The following KIAA0513 variants were observed in gnomAD, a reference collection of about 807,000 sequenced individuals.
KIAA0513 encodes KIAA0513.
A neutral mutation model predicts 56.5 loss-of-function variants in KIAA0513; 39 were observed. The observed-to-expected ratio is 0.69, with a 90% CI of 0.53 to 0.90. The LOEUF (loss-of-function observed/expected upper bound fraction) is 0.90, where lower values mean the gene tolerates loss of function less well. Ranked by LOEUF, KIAA0513 falls within the 40% of genes least tolerant of loss-of-function variation. KIAA0513 has a pLI of 0.00. For synonymous variants in KIAA0513, 268 were observed against 215.6 expected (o/e 1.24, Z -2.13); for missense variants, 591 against 535.2 (o/e 1.10, Z -1.03).
At chr16:85,052,226 A>G (rs1159347501) in intron 1 of KIAA0513, among the ~76,000 whole-genome samples, 1 of 152,116 alleles carries the variant, frequency 6.6e-6, no homozygotes, top group African/African-American at 2.4e-5. Flanking sequence ...AGGCTGAGGA[A>G]GGAGAATCGC....
At chr16:85,083,736 A>T (rs2073775386) in intron 10 of KIAA0513, among the ~76,000 whole-genome samples, 1 of 152,162 alleles carries the variant, frequency 6.6e-6, no homozygotes, top group Admixed American at 6.5e-5. Flanking sequence ...CTCATCTCTG[A>T]CCGGCCCCTG....
chr16:85,087,011 A>G, intron 11 of KIAA0513, 61 bp from the exon 12 acceptor site: 2 of 1,504,570 alleles, frequency 1.3e-6, no homozygotes, highest in South Asian at 2.3e-5. Context: ...ACAAGGGCCC[A>G]GCTCCCCGGC....
At chr16:85,050,071 G>A (rs915723463) in intron 1 of KIAA0513, among the ~76,000 whole-genome samples, 2 of 151,988 alleles carry the variant, frequency 1.3e-5, no homozygotes, top group South Asian at 2.1e-4. Context: ...GTTCTAACAC[G>A]CAGTTGCAAT....
chr16:85,039,302 T>G (rs1169593944), intron 1 of KIAA0513, among the ~76,000 whole-genome samples: 1 of 152,206 alleles, frequency 6.6e-6, no homozygotes, highest in Non-Finnish European at 1.5e-5. Flanking sequence ...TCTGTATGAT[T>G]ACTCTTTTTA....
intron 1 of KIAA0513, among the ~76,000 whole-genome samples, chr16:85,059,468 C>G (rs972653554): frequency 5.3e-5 from 8 of 152,174 alleles, no homozygotes; most frequent in African/African-American, 1.9e-4. Flanking sequence ...GAGGCAGTAT[C>G]CAGCTAAGGT....
At chr16:85,028,731 C>T (rs999742112) in intron 1 of KIAA0513, among the ~76,000 whole-genome samples, 6 of 151,820 alleles carry the variant, frequency 4.0e-5, no homozygotes, top group African/African-American at 1.5e-4. Context: ...CTAGCCAGGT[C>T]CTATTCCTCT....
chr16:85,088,816 C>T lies in KIAA0513; in HGVS notation c.*491C>T, dbSNP rs1253415864. On this transcript the variant is annotated 3_prime_UTR_variant, in exon 13 of 13. Coordinates refer to ENST00000683363, the MANE Select transcript of KIAA0513 (RefSeq NM_001388359.1). Reference sequence around the variant, plus strand: ...ACACGCGGCTCCCATCCAGCCCTCTCAGCGTGGGGCTGTGGCTGGTCCTCA... The same window carrying T: ...ACACGCGGCTCCCATCCAGCCCTCTTAGCGTGGGGCTGTGGCTGGTCCTCA... 1 of 158,198 alleles carries T rather than the reference C, an allele frequency of 6.3e-6. No individual in the cohort carries two copies. The highest frequency in any genetic ancestry group is 1.4e-5 in the Non-Finnish European group (1 of 71,704). 9.8% of individuals were successfully genotyped at this position (158,198 alleles called of 1,614,324 possible).
Position 85,087,173 on chromosome 16 carries a change from C to A in KIAA0513, c.1186+7C>A. 6.2e-7 allele frequency: 1 copy of A among 1,611,494 alleles called. No homozygotes were observed. Among genetic ancestry groups the A allele is most frequent in the Non-Finnish European group, 8.5e-7 (1 of 1,177,594 alleles). On this transcript the variant is annotated splice_region_variant and intron_variant, in intron 12 of 12. Coordinates refer to ENST00000683363, the MANE Select transcript of KIAA0513 (RefSeq NM_001388359.1). ...ATTGGCAACCTGGATGAAGGTGCGT[C>A]TGGGGGAGGCTGCTGGCAGGAGGCG... is the stretch of plus-strand genomic sequence containing the variant.
At chr16:85,032,261 C>T (rs1241654436) in intron 1 of KIAA0513, among the ~76,000 whole-genome samples, 3 of 152,224 alleles carry the variant, frequency 2.0e-5, no homozygotes, top group Non-Finnish European at 4.4e-5. Context: ...CTTCATGTCT[C>T]CTCCTGTGGG....
In KIAA0513 at chr16:85,039,233, G is replaced by A. The variant is rs144786417; in HGVS notation, c.-173+11375G>A. On this transcript the variant is annotated intron_variant, in intron 1 of 12. Coordinates refer to ENST00000683363, the MANE Select transcript of KIAA0513 (RefSeq NM_001388359.1). ...ATTTTAACCAGGCCCATTTAATGTCGCAAGGTTCCTTGTAACCCAAAACAC... is the reference window on the plus strand; with the variant it reads ...ATTTTAACCAGGCCCATTTAATGTCACAAGGTTCCTTGTAACCCAAAACAC... Among the ~76,000 whole-genome samples, 275 of 152,292 alleles carry A rather than the reference G, an allele frequency of 1.8e-3. 1 individual carries two copies. The highest frequency in any genetic ancestry group is 5.8e-3 in the African/African-American group (239 of 41,560).
At chr16:85,078,887 A>G in intron 7 of KIAA0513, 38 bp from the exon 8 acceptor site, 1 of 1,612,818 alleles carries the variant, frequency 6.2e-7, no homozygotes, top group Non-Finnish European at 8.5e-7. Context: ...TGGGTGCGCA[A>G]CCAGAGCTGC....
At chr16:85,028,040 G>A (rs1238849644) in intron 1 of KIAA0513, among the ~76,000 whole-genome samples, 182 bp downstream of exon 1, 2 of 152,252 alleles carry the variant, frequency 1.3e-5, no homozygotes, top group Admixed American at 6.5e-5. Flanking sequence ...CTCGCGGGCC[G>A]AGGGCTCAGG....
intron 1 of KIAA0513, among the ~76,000 whole-genome samples, chr16:85,037,513 T>C (rs1484096988): frequency 2.0e-5 from 3 of 152,130 alleles, no homozygotes; most frequent in South Asian, 2.1e-4. Context: ...ACAGTGTCCA[T>C]ATGTCAATGT....
intron 1 of KIAA0513, among the ~76,000 whole-genome samples, chr16:85,047,563 G>C (rs1348652751): frequency 6.6e-6 from 1 of 152,186 alleles, no homozygotes; most frequent in African/African-American, 2.4e-5. Context: ...GGAAAGGAAG[G>C]TTTCCTCAGA....
At chr16:85,033,953 C>T (rs73251119) in intron 1 of KIAA0513, among the ~76,000 whole-genome samples, 1 of 152,094 alleles carries the variant, frequency 6.6e-6, no homozygotes, top group Non-Finnish European at 1.5e-5. Flanking sequence ...GATCCAGTGT[C>T]CTTTTAATGT....
rs2291967 is a variant in KIAA0513, at chr16:85,078,396, T to G, written c.783-19T>G. Reference sequence around the variant, plus strand: ...TGGTGTGAGTCGCGTGTGTCATCATTGTGCCTTCTCTCCCTCAGGGAAGAC... The same window carrying G: ...TGGTGTGAGTCGCGTGTGTCATCATGGTGCCTTCTCTCCCTCAGGGAAGAC... On this transcript the variant is annotated intron_variant, in intron 6 of 12. Transcript: ENST00000683363. 783,201 of 1,610,806 alleles carry G rather than the reference T, an allele frequency of 0.49. 197,711 individuals are homozygous for G. The highest frequency in any genetic ancestry group is 0.82 in the African/African-American group (61,315 of 74,952).
intron 1 of KIAA0513, among the ~76,000 whole-genome samples, chr16:85,042,875 C>T (rs966985487): frequency 9.2e-5 from 14 of 152,234 alleles, no homozygotes; most frequent in South Asian, 8.3e-4. Context: ...TGACATTCCC[C>T]GAGAGGGAGG....
intron 5 of KIAA0513, 70 bp from the exon 6 acceptor site, chr16:85,077,355 T>C (rs760800986): frequency 5.5e-6 from 8 of 1,456,252 alleles, no homozygotes; most frequent in Non-Finnish European, 7.6e-6. Flanking sequence ...GGGCTCCCTC[T>C]GGGCCTCTGC....
In KIAA0513 at chr16:85,088,649, A is replaced by T; in HGVS notation, c.*324A>T. On this transcript the variant is annotated 3_prime_UTR_variant, in exon 13 of 13. Transcript: ENST00000683363. ...GGACTCCATGGGCCATCGTGGGCCA[A>T]GGGCTGGCGAGGGTGGGGGCGGGCA... is the stretch of plus-strand genomic sequence containing the variant. 1.0e-5 allele frequency: 3 copies of T among 290,866 alleles called. No individual in the cohort carries two copies. Among genetic ancestry groups the T allele is most frequent in the Non-Finnish European group, 1.9e-5 (3 of 153,896 alleles). 18.0% of individuals were successfully genotyped at this position (290,866 alleles called of 1,614,324 possible).
Sources: gnomAD v4.1 joint callset for allele counts (sites outside exome capture counted in the v4.1 genomes callset) on GRCh38, gnomAD v4.1.1 for gene constraint, MANE v1.5 for transcripts, NCBI Gene and HGNC (gene_info 2026-07-23, HGNC 2026-07-21) for gene names.